Variants in NEK11 observed in about 807,000 individuals in gnomAD.
NEK11 encodes the protein NIMA related kinase 11.
A neutral mutation model predicts 80.7 loss-of-function variants in NEK11; 72 were observed. That is an observed-to-expected ratio of 0.89 (90% CI 0.74 to 1.08). The LOEUF is 1.08. Among genes scored for constraint, NEK11 ranks in the 50% least tolerant of loss-of-function variants. NEK11 has a pLI of 0.00. For synonymous variants in NEK11, 251 were observed against 260.7 expected (o/e 0.96, Z 0.36); for missense variants, 764 against 763.6 (o/e 1.00, Z -0.01).
At chr3:131,211,522 T>C (rs2094613410) in intron 14 of NEK11, among the ~76,000 whole-genome samples, 1 of 152,232 alleles carries the variant, frequency 6.6e-6, no homozygotes, top group Non-Finnish European at 1.5e-5. Flanking sequence ...CCTGCCTTGC[T>C]AGGTTGGGGA....
intron 5 of NEK11, among the ~76,000 whole-genome samples, chr3:131,131,009 C>T (rs1231487348): frequency 1.3e-5 from 2 of 152,120 alleles, no homozygotes; most frequent in African/African-American, 4.8e-5. Flanking sequence ...ACCGTGTTGG[C>T]CAGGCTGGTG....
intron 4 of NEK11, among the ~76,000 whole-genome samples, chr3:131,091,058 C>A (rs1288731287): frequency 6.6e-6 from 1 of 152,174 alleles, no homozygotes; most frequent in Non-Finnish European, 1.5e-5. Flanking sequence ...GTGATTGCAT[C>A]TGGCTGTGTT....
intron 3 of NEK11, among the ~76,000 whole-genome samples, chr3:131,045,792 T>TG (rs1015361932): frequency 6.6e-6 from 1 of 152,174 alleles, no homozygotes. Flanking sequence ...GCTCCAGTGT[T>TG]GGGTGCATGT....
intron 16 of NEK11, among the ~76,000 whole-genome samples, chr3:131,244,216 G>A (rs2095562348): frequency 6.6e-6 from 1 of 151,932 alleles, no homozygotes; most frequent in African/African-American, 2.4e-5. Flanking sequence ...TTTTCAGGTG[G>A]GCAAACATTC....
intron 4 of NEK11, among the ~76,000 whole-genome samples, chr3:131,096,401 T>C (rs1327603383): frequency 6.6e-6 from 1 of 152,112 alleles, no homozygotes; most frequent in Non-Finnish European, 1.5e-5. Flanking sequence ...TGTATATGTA[T>C]CATATTTTCT....
intron 3 of NEK11, among the ~76,000 whole-genome samples, chr3:131,063,868 C>T (rs2071378602): frequency 6.6e-6 from 1 of 152,140 alleles, no homozygotes; most frequent in Non-Finnish European, 1.5e-5. Context: ...CACTCAAAAC[C>T]TTGTACACAA....
intron 4 of NEK11, among the ~76,000 whole-genome samples, chr3:131,081,763 G>A (rs914991890): frequency 2.3e-4 from 35 of 152,206 alleles, no homozygotes; most frequent in African/African-American, 7.5e-4. Flanking sequence ...TAGAGTAGAC[G>A]GCAGTTCTGT....
At chr3:131,141,312 G>A (rs1307546461) in intron 7 of NEK11, among the ~76,000 whole-genome samples, 1 of 152,146 alleles carries the variant, frequency 6.6e-6, no homozygotes, top group Non-Finnish European at 1.5e-5. Flanking sequence ...GGGGTAGAGA[G>A]CATCAGCTAC....
At chr3:131,267,849 T>A (rs1156542861) in intron 16 of NEK11, among the ~76,000 whole-genome samples, 1 of 152,230 alleles carries the variant, frequency 6.6e-6, no homozygotes, top group African/African-American at 2.4e-5. Flanking sequence ...TTCTCCTGGA[T>A]AATATCCTGA....
At chr3:131,347,721 C>T (rs1171399600) in intron 17 of NEK11, among the ~76,000 whole-genome samples, 1 of 152,076 alleles carries the variant, frequency 6.6e-6, no homozygotes, top group Non-Finnish European at 1.5e-5. Flanking sequence ...TTGGGATCAC[C>T]TGAGGTCAGG....
chr3:131,241,949 A>G (rs2095525853), intron 15 of NEK11, among the ~76,000 whole-genome samples: 1 of 152,166 alleles, frequency 6.6e-6, no homozygotes, highest in South Asian at 2.1e-4. Flanking sequence ...GAATTGTTAG[A>G]GAAAACATTA....
At chr3:131,267,485 A>G (rs2096082858) in intron 16 of NEK11, among the ~76,000 whole-genome samples, 1 of 152,242 alleles carries the variant, frequency 6.6e-6, no homozygotes, top group African/African-American at 2.4e-5. Flanking sequence ...TGGGTTGAAA[A>G]TTCTTTTATT....
chr3:131,030,708 T>C (rs1178507190), intron 3 of NEK11, among the ~76,000 whole-genome samples: 1 of 152,248 alleles, frequency 6.6e-6, no homozygotes, highest in Admixed American at 6.5e-5. Flanking sequence ...AATTAGCTTA[T>C]GTTAATGACC....
intron 17 of NEK11, among the ~76,000 whole-genome samples, chr3:131,319,657 A>C (rs1183685853): frequency 1.3e-5 from 2 of 152,172 alleles, no homozygotes; most frequent in Non-Finnish European, 2.9e-5. Flanking sequence ...AAGGAAGTAG[A>C]AAAGAAACTT....
At chr3:131,189,288 C>A (rs1277331544) in intron 14 of NEK11, among the ~76,000 whole-genome samples, 1 of 152,178 alleles carries the variant, frequency 6.6e-6, no homozygotes, top group Non-Finnish European at 1.5e-5. Flanking sequence ...GCCTAGGAAA[C>A]TAAAACACTT....
chr3:131,034,524 C>T (rs1382488840), intron 3 of NEK11, among the ~76,000 whole-genome samples: 1 of 152,128 alleles, frequency 6.6e-6, no homozygotes, highest in Non-Finnish European at 1.5e-5. Context: ...CTCAGCCTCC[C>T]GAGTAGCTGG....
chr3:131,271,411 A>T (rs1221796183), intron 16 of NEK11, among the ~76,000 whole-genome samples: 1 of 152,218 alleles, frequency 6.6e-6, no homozygotes, highest in East Asian at 1.9e-4. Context: ...TATAGGAGCA[A>T]GAAGTTCAAA....
intron 15 of NEK11, among the ~76,000 whole-genome samples, chr3:131,237,059 G>C (rs2095442225): frequency 6.6e-6 from 1 of 152,172 alleles, no homozygotes; most frequent in South Asian, 2.1e-4. Context: ...AGTAGGTGGG[G>C]CTGGGTACAT....
chr3:131,314,553 C>A (rs771991195), intron 17 of NEK11, among the ~76,000 whole-genome samples: 14 of 152,148 alleles, frequency 9.2e-5, no homozygotes, highest in Non-Finnish European at 1.9e-4. Flanking sequence ...TAGTAGGAAG[C>A]AGCTGGAAAG....
Sources: gnomAD v4.1 joint callset for allele counts (sites outside exome capture counted in the v4.1 genomes callset) on GRCh38, gnomAD v4.1.1 for gene constraint, MANE v1.5 for transcripts, NCBI Gene and HGNC (gene_info 2026-07-23, HGNC 2026-07-21) for gene names.